KLF15: variants seen among roughly 807,000 people sequenced by gnomAD.
KLF15 encodes the protein Krueppel-like factor 15.
KLF15 carries 4 observed loss-of-function variants against 24.6 expected under a neutral mutation model. The observed-to-expected ratio is 0.16, with a 90% CI of 0.08 to 0.37. The LOEUF (loss-of-function observed/expected upper bound fraction) is 0.37, where lower values mean the gene tolerates loss of function less well. KLF15 is among the 10% of genes least tolerant of loss of function. The pLI, the probability that KLF15 is intolerant of heterozygous loss-of-function variation, is 1.00. For missense variants in KLF15, 496 were observed against 560.6 expected (o/e 0.88, Z 1.16); for synonymous variants, 246 against 236.3 (o/e 1.04, Z -0.37).
the KLF15 span, among the ~76,000 whole-genome samples, chr3:126,311,664 G>T: frequency 9.2e-5 from 14 of 152,342 alleles, no homozygotes; most frequent in East Asian, 2.7e-3. Context: ...CCAGGCTGAG[G>T]ACTTACATCC....
chr3:126,323,472 G>T, the KLF15 span, among the ~76,000 whole-genome samples: 3 of 35,590 alleles, frequency 8.4e-5, no homozygotes, highest in Non-Finnish European at 1.5e-4. Context: ...ACATATATAT[G>T]TTATATATAT....
At position 126,343,740 on chromosome 3, in the gene KLF15, C is replaced by T. The variant is rs759530999; in HGVS notation, c.1238G>A (p.Arg413His). Reference sequence around the variant, plus strand: ...TTCAGGGCGCTTTCAGTTCACGGAGCGCACGGAGCGGCTGCTCCGCGGGAA... The same window carrying T: ...TTCAGGGCGCTTTCAGTTCACGGAGTGCACGGAGCGGCTGCTCCGCGGGAA... ...HRFPRSSRSV[R>H]SVN The change falls in exon 3 of 3, where the codon CGC becomes CAC. Residue 413 changes from arginine (R) to histidine (H), a missense_variant. Arg to His is a conservative substitution (Grantham distance 29). This residue lies in a region of KLF15 where 38 missense variants were observed against 31.5 expected (regional missense o/e 1.21). Transcript: ENST00000296233. 10 of 1,611,078 alleles carry T rather than the reference C, an allele frequency of 6.2e-6. No individual in the cohort carries two copies. The highest frequency in any genetic ancestry group is 8.5e-6 in the Non-Finnish European group (10 of 1,179,428).
chr3:126,323,434 T>TAA, the KLF15 span, among the ~76,000 whole-genome samples: 12 of 57,612 alleles, frequency 2.1e-4, no homozygotes, highest in East Asian at 5.9e-3. Context: ...TATATATATA[T>TAA]AACATATATA....
the KLF15 span, among the ~76,000 whole-genome samples, chr3:126,327,037 G>T: frequency 1.3e-5 from 2 of 152,300 alleles, no homozygotes; most frequent in Admixed American, 1.3e-4. Context: ...GTGCAGGACT[G>T]CTGGCTCAAC....
Position 126,356,901 on chromosome 3 carries a change from C to T in KLF15, c.-26+336G>A, listed in dbSNP as rs2082637306. Among the ~76,000 whole-genome samples the T allele has an allele frequency of 6.6e-6, 1 of 151,944 alleles. No homozygotes were observed. Among genetic ancestry groups the T allele is most frequent in the South Asian group, 2.1e-4 (1 of 4,826 alleles). On this transcript the variant is annotated intron_variant, in intron 1 of 2. Coordinates refer to ENST00000296233, the MANE Select transcript of KLF15 (RefSeq NM_014079.4). The surrounding 1 kb of genome is among the most constrained non-coding windows in gnomAD (Gnocchi z 4.4). The stretch of plus-strand genomic sequence containing the variant: ...GGCTGGCCAGCGCGTCCGCTCTCCC[C>T]CTCCTCTCACCAGGCCGCGCCGGTG...
the KLF15 span, among the ~76,000 whole-genome samples, chr3:126,310,407 G>A: frequency 3.3e-5 from 5 of 152,302 alleles, no homozygotes; most frequent in Admixed American, 2.6e-4. Context: ...CCCAGCATTG[G>A]ATAGCACAGA....
chr3:126,308,359 C>G, the KLF15 span, among the ~76,000 whole-genome samples: 1 of 152,186 alleles, frequency 6.6e-6, no homozygotes, highest in African/African-American at 2.4e-5. Context: ...GTCCATCAGT[C>G]ACTGGAAGGA....
At chr3:126,301,580 T>C in the KLF15 span, among the ~76,000 whole-genome samples, 2 of 151,938 alleles carry the variant, frequency 1.3e-5, no homozygotes, top group African/African-American at 2.4e-5. Context: ...CTAATCTTTA[T>C]TACTTCTGCT....
the KLF15 span, among the ~76,000 whole-genome samples, chr3:126,313,065 G>A: frequency 3.5e-4 from 54 of 152,144 alleles, no homozygotes; most frequent in Non-Finnish European, 7.4e-4. Flanking sequence ...TTTGGAATTA[G>A]GCCTTTAAAC....
At chr3:126,326,941 G>A in the KLF15 span, among the ~76,000 whole-genome samples, 9 of 152,046 alleles carry the variant, frequency 5.9e-5, no homozygotes, top group Non-Finnish European at 8.8e-5. Context: ...TGCGGATAGT[G>A]CAAACATTCT....
chr3:126,348,947 A>T (rs2082559504), intron 2 of KLF15, among the ~76,000 whole-genome samples: 1 of 152,188 alleles, frequency 6.6e-6, no homozygotes, highest in Non-Finnish European at 1.5e-5. Flanking sequence ...TGAGAAACTT[A>T]GAATAGTGCC....
intron 2 of KLF15, among the ~76,000 whole-genome samples, chr3:126,348,700 G>C (rs188726109): frequency 4.5e-4 from 68 of 152,372 alleles, no homozygotes; most frequent in Non-Finnish European, 9.1e-4. Flanking sequence ...AGAGGGCACA[G>C]AGAGGGCGGA....
the KLF15 span, among the ~76,000 whole-genome samples, chr3:126,331,864 C>T: frequency 5.9e-5 from 9 of 152,164 alleles, no homozygotes; most frequent in Admixed American, 3.3e-4. Context: ...GACGGATGCA[C>T]CTGGAAAATC....
the KLF15 span, among the ~76,000 whole-genome samples, chr3:126,316,439 T>TGAGTGGGGAAGGGATACTATGGGCTG: frequency 8.4e-6 from 1 of 118,500 alleles, no homozygotes; most frequent in Non-Finnish European, 1.7e-5. Flanking sequence ...TGCATGGGCC[T>TGAGTGGGGAAGGGATACTATGGGCTG]GAGTGGGGAA....
At chr3:126,323,463 C>T in the KLF15 span, among the ~76,000 whole-genome samples, 1 of 75,452 alleles carries the variant, frequency 1.3e-5, no homozygotes. Context: ...ATATATATAA[C>T]ATATATATGT....
chr3:126,331,258 G>A, the KLF15 span, among the ~76,000 whole-genome samples: 1 of 152,184 alleles, frequency 6.6e-6, no homozygotes, highest in African/African-American at 2.4e-5. Flanking sequence ...ATAAGTCGCA[G>A]GCATCTGGTA....
At chr3:126,298,467 A>G in the KLF15 span, among the ~76,000 whole-genome samples, 2 of 151,226 alleles carry the variant, frequency 1.3e-5, no homozygotes, top group East Asian at 1.9e-4. Flanking sequence ...GAAGCTTTTT[A>G]GCTCCATTAT....
At chr3:126,294,332 T>C in the KLF15 span, among the ~76,000 whole-genome samples, 7 of 152,230 alleles carry the variant, frequency 4.6e-5, no homozygotes, top group Non-Finnish European at 8.8e-5. Context: ...GCTTTAAGGC[T>C]ACACAGAGAC....
chr3:126,326,585 C>A, the KLF15 span, among the ~76,000 whole-genome samples: 2 of 152,194 alleles, frequency 1.3e-5, no homozygotes, highest in African/African-American at 2.4e-5. Context: ...AGAACCTGCC[C>A]TCATGGAGCA....
Sources: allele counts gnomAD v4.1 joint callset (sites outside exome capture counted in the v4.1 genomes callset), GRCh38; gene constraint gnomAD v4.1.1; regional missense constraint gnomAD v4.1.1; non-coding constraint Gnocchi (gnomAD v3.1); transcripts MANE v1.5; gene names NCBI Gene and HGNC (gene_info 2026-07-23, HGNC 2026-07-21).